Variants in MYT1L observed in about 807,000 individuals in gnomAD.
MYT1L encodes myelin transcription factor 1-like protein.
A neutral mutation model predicts 126.7 loss-of-function variants in MYT1L; 12 were observed. The ratio of observed to expected loss-of-function variants is 0.09; its 90% CI spans 0.06 to 0.15. The LOEUF (loss-of-function observed/expected upper bound fraction) is 0.15, where lower values mean the gene tolerates loss of function less well. Among genes scored for constraint, MYT1L ranks in the 10% least tolerant of loss-of-function variants. The probability of loss-of-function intolerance (pLI) is 1.00; values close to 1 mark genes in which losing one functional copy is unlikely to be tolerated. For synonymous variants in MYT1L, 541 were observed against 604.2 expected (o/e 0.90, Z 1.53); for missense variants, 979 against 1,585.2 (o/e 0.62, Z 6.49).
intron 14 of MYT1L, among the ~76,000 whole-genome samples, chr2:1,893,898 A>G (rs2049243934): frequency 6.6e-6 from 1 of 152,130 alleles, no homozygotes; most frequent in African/African-American, 2.4e-5. Flanking sequence ...TGATTCTGTA[A>G]TGCACAGGCC....
intron 18 of MYT1L, among the ~76,000 whole-genome samples, chr2:1,877,512 G>A (rs2047059714): frequency 6.6e-6 from 1 of 152,128 alleles, no homozygotes; most frequent in African/African-American, 2.4e-5. Context: ...TTGCTAAGAG[G>A]ATGCATTTGT....
intron 3 of MYT1L, among the ~76,000 whole-genome samples, chr2:2,095,709 C>T (rs2077382648): frequency 1.3e-5 from 2 of 152,192 alleles, no homozygotes; most frequent in Admixed American, 6.5e-5. Context: ...CAGGACACCA[C>T]CATCCTCACC....
chr2:2,142,647 T>C (rs1559035), intron 3 of MYT1L, among the ~76,000 whole-genome samples: 1 of 152,132 alleles, frequency 6.6e-6, no homozygotes, highest in Non-Finnish European at 1.5e-5. Flanking sequence ...CACTGCCTTG[T>C]GAGCTGATGT....
At chr2:2,141,223 T>C (rs1219077992) in intron 3 of MYT1L, among the ~76,000 whole-genome samples, 1 of 152,212 alleles carries the variant, frequency 6.6e-6, no homozygotes, top group Non-Finnish European at 1.5e-5. Context: ...TGCATAATCA[T>C]AAAAATACAT....
intron 1 of MYT1L, among the ~76,000 whole-genome samples, chr2:2,322,456 A>G (rs745432761): frequency 9.2e-5 from 14 of 152,178 alleles, no homozygotes; most frequent in Non-Finnish European, 1.8e-4. Context: ...AGACAGGTGC[A>G]CATCACCCTG....
intron 3 of MYT1L, among the ~76,000 whole-genome samples, chr2:2,112,658 A>G (rs2079610940): frequency 6.6e-6 from 1 of 152,178 alleles, no homozygotes; most frequent in Non-Finnish European, 1.5e-5. Flanking sequence ...CACTCAGGCA[A>G]CACTGACGCT....
intron 18 of MYT1L, among the ~76,000 whole-genome samples, chr2:1,875,098 G>A (rs1396524923): frequency 1.3e-5 from 2 of 152,230 alleles, no homozygotes; most frequent in African/African-American, 4.8e-5. Flanking sequence ...GTGCTGAGGG[G>A]CGCCATCAGG....
intron 9 of MYT1L, 96 bp from the exon 10 acceptor site, chr2:1,923,359 G>T: frequency 9.7e-7 from 1 of 1,027,044 alleles, no homozygotes; most frequent in Non-Finnish European, 1.4e-6. Context: ...CACGTTAACT[G>T]CAAGTCAAAC....
At position 1,887,692 on chromosome 2, in the gene MYT1L, G is replaced by A. The variant is rs2048328098; in HGVS notation, c.2521-83C>T. The A allele has an allele frequency of 1.3e-6, 2 of 1,554,704 alleles. No individual in the cohort carries two copies. The highest frequency in any genetic ancestry group is 2.7e-5 in the African/African-American group (2 of 73,690). On this transcript the variant is annotated intron_variant, in intron 16 of 24. Coordinates refer to ENST00000647738, the MANE Select transcript of MYT1L (RefSeq NM_001303052.2). The surrounding 1 kb of genome is among the most constrained non-coding windows in gnomAD (Gnocchi z 4.8). The stretch of plus-strand genomic sequence containing the variant: ...GGGAGGTGGTTCGTGGCTCTGGGGT[G>A]GCCTCTACATCTTACACCTCTTTCT...
chr2:1,796,971 G>A (rs963374564), intron 23 of MYT1L, among the ~76,000 whole-genome samples: 10 of 152,190 alleles, frequency 6.6e-5, no homozygotes, highest in Non-Finnish European at 1.5e-4. Flanking sequence ...CAACTTCTGG[G>A]TGTCCCCTGG....
intron 3 of MYT1L, among the ~76,000 whole-genome samples, chr2:2,088,026 G>C (rs1031512706): frequency 6.6e-6 from 1 of 152,150 alleles, no homozygotes; most frequent in Non-Finnish European, 1.5e-5. Flanking sequence ...CTAACTTGCA[G>C]GATGGTTAGG....
chr2:1,912,126 C>A lies in MYT1L; in HGVS notation c.1619-16G>T. The stretch of plus-strand genomic sequence containing the variant: ...ATGGCAAGGACTTGACAGGGAGAGG[C>A]AAAGAGAACAGCCAGTGTTAAAACA... On this transcript the variant is annotated splice_polypyrimidine_tract_variant and intron_variant, in intron 11 of 24. Coordinates refer to ENST00000647738, the MANE Select transcript of MYT1L (RefSeq NM_001303052.2). This position sits in a 1 kb window ranked among gnomAD's most constrained non-coding sequence, Gnocchi z 4.3. The A allele has an allele frequency of 6.5e-7, 1 of 1,546,144 alleles. No individual in the cohort carries two copies. The highest frequency in any genetic ancestry group is 1.8e-5 in the Admixed American group (1 of 56,820).
At chr2:1,941,826 G>A (rs976190534) in intron 9 of MYT1L, among the ~76,000 whole-genome samples, 3 of 152,116 alleles carry the variant, frequency 2.0e-5, no homozygotes, top group Non-Finnish European at 4.4e-5. Context: ...GTTTGCATAG[G>A]AATCTTAAGC....
At chr2:1,994,972 G>A (rs1396161394) in intron 5 of MYT1L, among the ~76,000 whole-genome samples, 1 of 152,162 alleles carries the variant, frequency 6.6e-6, no homozygotes, top group Non-Finnish European at 1.5e-5. Flanking sequence ...GTGTCTACAA[G>A]TGATAGAATG....
intron 14 of MYT1L, among the ~76,000 whole-genome samples, chr2:1,902,056 T>C (rs1025263062): frequency 6.6e-6 from 1 of 152,192 alleles, no homozygotes; most frequent in Non-Finnish European, 1.5e-5. Flanking sequence ...TTCTAAATCA[T>C]CAGAACATTT....
At chr2:1,792,059 A>G (rs2032181895) in intron 24 of MYT1L, 52 bp from the exon 25 acceptor site, 3 of 1,384,654 alleles carry the variant, frequency 2.2e-6, no homozygotes, top group Admixed American at 5.3e-5. Flanking sequence ...TCTTAATAGT[A>G]TATTTACAAA....
chr2:2,101,331 T>C (rs2078046052), intron 3 of MYT1L, among the ~76,000 whole-genome samples: 1 of 152,140 alleles, frequency 6.6e-6, no homozygotes, highest in South Asian at 2.1e-4. Flanking sequence ...TCATATGCCA[T>C]TCACATGACT....
intron 1 of MYT1L, chr2:2,324,699 T>A (rs539579242): frequency 6.5e-6 from 1 of 152,790 alleles, no homozygotes; most frequent in Admixed American, 6.5e-5. Context: ...GCTGCGTGCA[T>A]CAGGCTCACG....
At chr2:2,045,527 T>C (rs926802384) in intron 4 of MYT1L, among the ~76,000 whole-genome samples, 6 of 152,218 alleles carry the variant, frequency 3.9e-5, no homozygotes, top group African/African-American at 1.4e-4. Context: ...ATGAATAACC[T>C]CATAGCCTGT....
Sources: allele counts gnomAD v4.1 joint callset (sites outside exome capture counted in the v4.1 genomes callset), GRCh38; gene constraint gnomAD v4.1.1; non-coding constraint Gnocchi (gnomAD v3.1); transcripts MANE v1.5; gene names NCBI Gene and HGNC (gene_info 2026-07-23, HGNC 2026-07-21).